ADAP1: variants seen among roughly 807,000 people sequenced by gnomAD.
The protein encoded by ADAP1 is arf-GAP with dual PH domain-containing protein 1.
ADAP1 carries 31 observed loss-of-function variants against 54.9 expected under a neutral mutation model. The observed-to-expected ratio is 0.56, with a 90% CI of 0.42 to 0.76. The LOEUF (loss-of-function observed/expected upper bound fraction) is 0.76, where lower values mean the gene tolerates loss of function less well. ADAP1 is among the 30% of genes least tolerant of loss of function. The pLI is 0.00. For missense variants in ADAP1, 535 were observed against 512.4 expected (o/e 1.04, Z -0.42); for synonymous variants, 313 against 202.6 (o/e 1.55, Z -4.63).
At chr7:916,790 G>A (rs1014306400) in intron 4 of ADAP1, among the ~76,000 whole-genome samples, 1 of 152,144 alleles carries the variant, frequency 6.6e-6, no homozygotes, top group Non-Finnish European at 1.5e-5. Context: ...GGAGGGCAGA[G>A]CCGACAGGAC....
chr7:954,774 C>A, upstream of ADAP1: 1 of 918,366 alleles, frequency 1.1e-6, no homozygotes, highest in Non-Finnish European at 1.3e-6. Context: ...CCTCCTCCCT[C>A]GGCCGCTCCG....
chr7:907,305 G>A (rs1404725476), intron 4 of ADAP1, among the ~76,000 whole-genome samples: 2 of 152,202 alleles, frequency 1.3e-5, no homozygotes, highest in East Asian at 1.9e-4. Context: ...GATCACAGGG[G>A]AGGGAGGCAG....
intron 4 of ADAP1, among the ~76,000 whole-genome samples, chr7:913,140 G>C (rs924722384): frequency 6.6e-6 from 1 of 151,542 alleles, no homozygotes; most frequent in Non-Finnish European, 1.5e-5. Context: ...CCCGGTGCCC[G>C]GCCTTCTTTT....
intron 5 of ADAP1, 43 bp downstream of exon 5, chr7:905,017 C>G: frequency 2.6e-6 from 4 of 1,567,344 alleles, no homozygotes; most frequent in Admixed American, 1.7e-5. Flanking sequence ...GCCGGGATGC[C>G]GCCCTGGGAC....
Position 952,146 on chromosome 7 carries a change from G to A in ADAP1, c.82+2250C>T, listed in dbSNP as rs552848596. Among the ~76,000 whole-genome samples the A allele has an allele frequency of 7.2e-5, 11 of 152,196 alleles. No homozygotes were observed. The South Asian group carries it at 2.1e-3, about 29-fold the overall frequency. ...ATGAGAGGCTCTCTGGGTGGCCGCC[G>A]GGCGAGGCCCCCTGTTCAAGGTCAG... On this transcript the variant is annotated intron_variant, in intron 1 of 10. Coordinates refer to ENST00000265846, the MANE Select transcript of ADAP1 (RefSeq NM_006869.4).
At position 945,811 on chromosome 7, in the gene ADAP1, T is replaced by C; in HGVS notation, c.82+8585A>G. ...CTCAGCCGCTCACCATTTCCGGAGCTGGTCTGGGGCACCTGGGCAGGTGAG... is the reference window on the plus strand; with the variant it reads ...CTCAGCCGCTCACCATTTCCGGAGCCGGTCTGGGGCACCTGGGCAGGTGAG... On this transcript the variant is annotated intron_variant, in intron 1 of 10. Transcript: ENST00000265846. This position sits in a 1 kb window ranked among gnomAD's most constrained non-coding sequence, Gnocchi z 4.2. 1.0e-6 allele frequency: 1 copy of C among 985,576 alleles called. No individual in the cohort carries two copies. The highest frequency in any genetic ancestry group is 1.2e-6 in the Non-Finnish European group (1 of 830,000). 61.1% of individuals were successfully genotyped at this position (985,576 alleles called of 1,614,324 possible). A position where few individuals can be genotyped will look rare whatever the true frequency, so the allele number is the denominator to read the frequency against.
At chr7:930,837 C>A (rs919541043) in intron 2 of ADAP1, among the ~76,000 whole-genome samples, 1 of 150,114 alleles carries the variant, frequency 6.7e-6, no homozygotes, top group African/African-American at 2.5e-5. Context: ...AGTAGCCAGG[C>A]ACGGTGGTGT....
chr7:940,030 G>A (rs569546918), intron 1 of ADAP1, among the ~76,000 whole-genome samples: 12 of 152,206 alleles, frequency 7.9e-5, no homozygotes, highest in Non-Finnish European at 8.8e-5. Context: ...CTGGCACAAG[G>A]TCCCCCGGTG....
At chr7:927,024 G>T in intron 2 of ADAP1, 1 of 1,259,924 alleles carries the variant, frequency 7.9e-7, no homozygotes, top group Non-Finnish European at 1.0e-6. Context: ...AGAGAGCGAG[G>T]GCTTCCTCGT....
chr7:915,710 AGCCTCGG>A (rs1186812332), intron 4 of ADAP1, among the ~76,000 whole-genome samples: 1 of 152,138 alleles, frequency 6.6e-6, no homozygotes, highest in Non-Finnish European at 1.5e-5. Flanking sequence ...CCAGTTGGGC[AGCCTCGG>A]GCCTGGGGCA....
rs10261233 is a variant in ADAP1, at chr7:905,311, A to G, written c.389-139T>C. 0.017 allele frequency: 4,507 copies of G among 264,852 alleles called. 363 individuals carry two copies. In the African/African-American group the frequency reaches 0.2, roughly 12 times the overall value. The allele number at this position is 264,852 out of a possible 1,614,324, so 16.4% of individuals were successfully genotyped here. A position where few individuals can be genotyped will look rare whatever the true frequency, so the allele number is the denominator to read the frequency against. ...GGGGGACACGGACAGGGGGAGACGG[A>G]CGGGGAGAGGGGACATGGAGGAGAC... is the stretch of plus-strand genomic sequence containing the variant. On this transcript the variant is annotated intron_variant, in intron 4 of 10. Coordinates refer to ENST00000265846, the MANE Select transcript of ADAP1 (RefSeq NM_006869.4).
intron 3 of ADAP1, among the ~76,000 whole-genome samples, chr7:924,055 G>A (rs1313597021): frequency 6.9e-3 from 130 of 18,772 alleles, no homozygotes; most frequent in Middle Eastern, 0.077. Flanking sequence ...TGCACCCCCC[G>A]CCCTCCGGGT....
At chr7:932,055 G>T (rs1033937524) in intron 2 of ADAP1, among the ~76,000 whole-genome samples, 1 of 152,230 alleles carries the variant, frequency 6.6e-6, no homozygotes. Flanking sequence ...CCTGGGGGCC[G>T]GGGTGCAGGT....
At chr7:903,975 A>C in intron 6 of ADAP1, 151 bp downstream of exon 6, 1 of 1,043,808 alleles carries the variant, frequency 9.6e-7, no homozygotes, top group Non-Finnish European at 1.3e-6. Context: ...CCGCCTTCCC[A>C]CGCTGCCCAG....
rs201598957 is a variant in ADAP1, at chr7:938,468, C to T, written c.83-2963G>A. The stretch of plus-strand genomic sequence containing the variant: ...AAGTGTTGGGATTACAGATGTGTGA[C>T]GCCGTGTCTGGCCTGCAAAGTATTT... On this transcript the variant is annotated intron_variant, in intron 1 of 10. Coordinates refer to ENST00000265846, the MANE Select transcript of ADAP1 (RefSeq NM_006869.4). The surrounding 1 kb of genome is among the most constrained non-coding windows in gnomAD (Gnocchi z 4.4). 3.9e-5 allele frequency among the ~76,000 whole-genome samples: 6 copies of T among 152,182 alleles called. No individual in the cohort carries two copies. Among genetic ancestry groups the T allele is most frequent in the South Asian group, 4.1e-4 (2 of 4,830 alleles).
At position 920,521 on chromosome 7, in the gene ADAP1, C is replaced by T. The variant is rs989317971; in HGVS notation, c.306-471G>A. Among the ~76,000 whole-genome samples, 1 of 151,672 alleles carries T rather than the reference C, an allele frequency of 6.6e-6. No homozygotes were observed. Among genetic ancestry groups the T allele is most frequent in the African/African-American group, 2.4e-5 (1 of 41,210 alleles). On this transcript the variant is annotated intron_variant, in intron 3 of 10. Transcript: ENST00000265846. This position sits in a 1 kb window ranked among gnomAD's most constrained non-coding sequence, Gnocchi z 4.5. Reference sequence around the variant, plus strand: ...CCACCGTGCTGCCACCTTGCACCCCCCGTGCCGCCCTCCACCCGCCGTGCC... The same window carrying T: ...CCACCGTGCTGCCACCTTGCACCCCTCGTGCCGCCCTCCACCCGCCGTGCC...
At chr7:900,056 A>G (rs1844711101) in intron 8 of ADAP1, 46 bp downstream of exon 8, 4 of 1,606,422 alleles carry the variant, frequency 2.5e-6, no homozygotes, top group African/African-American at 1.3e-5. Flanking sequence ...GAGACCCACC[A>G]TGGCGTACCC....
chr7:942,365 AGAG>A lies in ADAP1; in HGVS notation c.83-6863_83-6861del, dbSNP rs746108633. Reference sequence around the variant, plus strand: ...GGAAGGGAGAGAGGAAGAGGAAGAGAGAGGAGGAGGAGGAAGGGAGAGAGGAGG... The same window carrying A: ...GGAAGGGAGAGAGGAAGAGGAAGAGAGAGGAGGAGGAAGGGAGAGAGGAGG... On this transcript the variant is annotated intron_variant, in intron 1 of 10. Coordinates refer to ENST00000265846, the MANE Select transcript of ADAP1 (RefSeq NM_006869.4). Among the ~76,000 whole-genome samples, 97 of 119,096 alleles carry A rather than the reference AGAG, an allele frequency of 8.1e-4. 1 individual carries two copies. The highest frequency in any genetic ancestry group is 1.3e-3 in the Non-Finnish European group (73 of 57,226). The allele number at this position is 119,096 out of a possible 152,430, so 78.1% of individuals were successfully genotyped here.
intron 4 of ADAP1, among the ~76,000 whole-genome samples, chr7:919,187 G>A (rs939570491): frequency 2.2e-4 from 19 of 87,132 alleles, no homozygotes; most frequent in African/African-American, 7.4e-4. Context: ...GCCGCAGGCC[G>A]GGGCCGCACC....
Sources: allele counts gnomAD v4.1 joint callset (sites outside exome capture counted in the v4.1 genomes callset), GRCh38; gene constraint gnomAD v4.1.1; non-coding constraint Gnocchi (gnomAD v3.1); transcripts MANE v1.5; gene names NCBI Gene and HGNC (gene_info 2026-07-23, HGNC 2026-07-21).